The following NLRP5 variants were observed in gnomAD, a reference collection of about 807,000 sequenced individuals.
NLRP5 encodes the protein NACHT, LRR and PYD domains-containing protein 5.
A neutral mutation model predicts 113.1 loss-of-function variants in NLRP5; 93 were observed. The ratio of observed to expected loss-of-function variants is 0.82; its 90% CI spans 0.70 to 0.98. The LOEUF (loss-of-function observed/expected upper bound fraction) is 0.98, where lower values mean the gene tolerates loss of function less well. Ranked by LOEUF, NLRP5 falls within the 50% of genes least tolerant of loss-of-function variation. The probability of loss-of-function intolerance (pLI) is 0.00; values close to 1 mark genes in which losing one functional copy is unlikely to be tolerated. For missense variants in NLRP5, 1,808 were observed against 1,514.3 expected (o/e 1.19, Z -3.22); for synonymous variants, 751 against 600.7 (o/e 1.25, Z -3.66).
chr19:56,013,866 T>A (rs866448147), intron 3 of NLRP5, among the ~76,000 whole-genome samples: 2 of 152,154 alleles, frequency 1.3e-5, no homozygotes, highest in African/African-American at 4.8e-5. Flanking sequence ...CTAGTAGTTA[T>A]GAAACATTGA....
At chr19:56,002,606 C>T (rs140090606) in intron 1 of NLRP5, among the ~76,000 whole-genome samples, 4,596 of 149,126 alleles carry the variant, frequency 0.031, 130 homozygotes, top group Middle Eastern at 0.041. Context: ...CTAATGCTAT[C>T]GCTCCCCCCT....
At chr19:56,001,934 C>G (rs2123264539) in intron 1 of NLRP5, among the ~76,000 whole-genome samples, 1 of 152,168 alleles carries the variant, frequency 6.6e-6, no homozygotes, top group South Asian at 2.1e-4. Context: ...AACTGGCCAA[C>G]CAGTACTGGC....
chr19:56,019,865 C>T (rs1331004511), intron 5 of NLRP5, among the ~76,000 whole-genome samples: 3 of 147,396 alleles, frequency 2.0e-5, no homozygotes, highest in Non-Finnish European at 4.4e-5. Flanking sequence ...GAGAAGGAGT[C>T]TCGCTGTGTC....
chr19:56,032,477 T>G (rs1286704803), intron 7 of NLRP5, 134 bp from the exon 8 acceptor site: 1 of 647,420 alleles, frequency 1.5e-6, no homozygotes, highest in Non-Finnish European at 2.6e-6. Context: ...TGGCAGCCGC[T>G]AAGTTGCCTC....
At chr19:55,999,381 A>AT (rs752118815), upstream of NLRP5, among the ~76,000 whole-genome samples, 5 of 151,388 alleles carry the variant, frequency 3.3e-5, no homozygotes, top group Non-Finnish European at 7.4e-5. Context: ...TGCCTGGCTA[A>AT]TTTTTTGTAT....
chr19:56,023,968 G>A (rs574801925), intron 6 of NLRP5, among the ~76,000 whole-genome samples: 1 of 152,106 alleles, frequency 6.6e-6, no homozygotes, highest in East Asian at 1.9e-4. Flanking sequence ...TCTTTTTCAC[G>A]TTCATTGAGT....
chr19:56,058,430 C>T lies in NLRP5; in HGVS notation c.3470+20C>T, dbSNP rs746221404. The T allele has an allele frequency of 8.8e-6, 14 of 1,595,304 alleles. No individual in the cohort carries two copies. In the African/African-American group the frequency reaches 1.6e-4, roughly 18 times the overall value. On this transcript the variant is annotated intron_variant, in intron 14 of 14. Coordinates refer to ENST00000390649, the MANE Select transcript of NLRP5 (RefSeq NM_153447.4). ...AATTGGGTAAGTCGCCAGCAATTGT[C>T]TTCTGAGATACAGACCTGCTTCTGT...
chr19:56,017,454 G>A (rs1280268127), intron 4 of NLRP5, among the ~76,000 whole-genome samples: 1 of 151,962 alleles, frequency 6.6e-6, no homozygotes, highest in Non-Finnish European at 1.5e-5. Context: ...CTACCTACAC[G>A]CTGTAAATAT....
intron 5 of NLRP5, among the ~76,000 whole-genome samples, chr19:56,020,052 G>A (rs1358573716): frequency 4.0e-5 from 6 of 151,844 alleles, no homozygotes; most frequent in African/African-American, 7.3e-5. Context: ...GGCCAAGCTG[G>A]TCTCGAACTC....
chr19:56,013,337 T>C (rs1012689623), intron 3 of NLRP5, among the ~76,000 whole-genome samples: 14 of 151,986 alleles, frequency 9.2e-5, no homozygotes, highest in Non-Finnish European at 1.6e-4. Flanking sequence ...GGACTACAGG[T>C]GCCTACCACT....
intron 9 of NLRP5, among the ~76,000 whole-genome samples, chr19:56,036,374 T>C (rs1199824075): frequency 6.6e-6 from 1 of 151,740 alleles, no homozygotes; most frequent in Admixed American, 6.6e-5. Context: ...GCTGAGATTC[T>C]TTCATTCAAT....
chr19:55,992,771 C>T, the NLRP5 span, among the ~76,000 whole-genome samples: 1 of 152,088 alleles, frequency 6.6e-6, no homozygotes, highest in Non-Finnish European at 1.5e-5. Flanking sequence ...ATTTGCTGAC[C>T]CCTGATCTTT....
Position 56,061,611 on chromosome 19 carries a change from G to T in NLRP5, c.*83G>T. On this transcript the variant is annotated 3_prime_UTR_variant, in exon 15 of 15. Coordinates refer to ENST00000390649, the MANE Select transcript of NLRP5 (RefSeq NM_153447.4). ...TTCTCAGAGCAAGCTATGCACCTGGGAGTTCCTTCTCAAAGATGGAGAATG... is the reference window on the plus strand; with the variant it reads ...TTCTCAGAGCAAGCTATGCACCTGGTAGTTCCTTCTCAAAGATGGAGAATG... 1 of 1,434,112 alleles carries T rather than the reference G, an allele frequency of 7.0e-7. No homozygotes were observed. Among genetic ancestry groups the T allele is most frequent in the Non-Finnish European group, 9.7e-7 (1 of 1,030,676 alleles). 88.8% of individuals were successfully genotyped at this position (1,434,112 alleles called of 1,614,324 possible). A position where few individuals can be genotyped will look rare whatever the true frequency, so the allele number is the denominator to read the frequency against.
intron 1 of NLRP5, among the ~76,000 whole-genome samples, chr19:56,000,532 T>C (rs1008164706): frequency 2.6e-5 from 4 of 151,612 alleles, no homozygotes; most frequent in African/African-American, 9.7e-5. Flanking sequence ...GCCCGGCTAA[T>C]TTTTTGCATT....
the NLRP5 span, chr19:55,987,917 G>C: frequency 1.9e-6 from 3 of 1,601,294 alleles, no homozygotes; most frequent in Non-Finnish European, 2.6e-6. Flanking sequence ...TCCTTAGGCC[G>C]TCCAGTCATC....
Position 56,050,680 on chromosome 19 carries a change from A to G in NLRP5, c.3128+92A>G, listed in dbSNP as rs193035582. 2.3e-4 allele frequency: 294 copies of G among 1,254,634 alleles called. 1 individual carries two copies. The African/African-American group carries it at 4.0e-3, about 17-fold the overall frequency. 77.7% of individuals were successfully genotyped at this position (1,254,634 alleles called of 1,614,324 possible). On this transcript the variant is annotated intron_variant, in intron 12 of 14. Coordinates refer to ENST00000390649, the MANE Select transcript of NLRP5 (RefSeq NM_153447.4). ...AGATAGGAGCAGGGAGACCGGAACC[A>G]AAAACTGCTTTCAGGGTGAGCTGAC...
rs748086750 is a variant in NLRP5, at chr19:56,050,388, G to A, written c.2958-30G>A. Reference sequence around the variant, plus strand: ...GGCCATGCTGGGGAATGAGCATCACGATCTTCTTTCCCATGTGTGTGCCCC... The same window carrying A: ...GGCCATGCTGGGGAATGAGCATCACAATCTTCTTTCCCATGTGTGTGCCCC... On this transcript the variant is annotated intron_variant, in intron 11 of 14. Transcript: ENST00000390649. 3.4e-5 allele frequency: 54 copies of A among 1,606,196 alleles called. 1 individual carries two copies. The highest frequency in any genetic ancestry group is 2.0e-4 in the Middle Eastern group (1 of 5,056).
upstream of NLRP5, among the ~76,000 whole-genome samples, chr19:55,994,846 T>A (rs527668475): frequency 2.6e-5 from 4 of 152,342 alleles, no homozygotes; most frequent in East Asian, 3.9e-4. Flanking sequence ...CAGAAGAGCT[T>A]TCCCTATGTT....
chr19:56,040,584 T>C (rs1426318239), intron 10 of NLRP5, among the ~76,000 whole-genome samples: 1 of 151,860 alleles, frequency 6.6e-6, no homozygotes, highest in Admixed American at 6.6e-5. Context: ...TAAAAATAAA[T>C]AAGAAAATAA....
Sources: gnomAD v4.1 joint callset for allele counts (sites outside exome capture counted in the v4.1 genomes callset) on GRCh38, gnomAD v4.1.1 for gene constraint, MANE v1.5 for transcripts, NCBI Gene and HGNC (gene_info 2026-07-23, HGNC 2026-07-21) for gene names.